NOXO1: variants seen among roughly 807,000 people sequenced by gnomAD.
NOXO1 encodes the protein NADPH oxidase regulatory protein.
In NOXO1, 38 loss-of-function variants were observed where a neutral mutation model predicts 33.3. The observed-to-expected ratio is 1.14, with a 90% confidence interval of 0.88 to 1.50. The LOEUF is 1.50. Among genes scored for constraint, NOXO1 ranks in the 40% most tolerant of loss-of-function variants. The pLI, the probability that NOXO1 is intolerant of heterozygous loss-of-function variation, is 0.00. For missense variants in NOXO1, 675 were observed against 527.1 expected (o/e 1.28, Z -2.75); for synonymous variants, 302 against 237.3 (o/e 1.27, Z -2.51).
At chr16:1,980,285 T>C in intron 4 of NOXO1, 82 bp downstream of exon 4, 2 of 1,519,370 alleles carry the variant, frequency 1.3e-6, no homozygotes, top group Non-Finnish European at 1.8e-6. Context: ...CTGCCCCTAT[T>C]CGCTGGCTGT....
In NOXO1 at chr16:1,980,804, C is replaced by T. The variant is rs757439166; in HGVS notation, c.148-73G>A. ...CCTTGAGAGGGCGGGGTCCCTCACC[C>T]GGATGGCAGGGGCTGGGAGCTTCAG... On this transcript the variant is annotated intron_variant, in intron 2 of 7. Transcript: ENST00000356120. 1.1e-5 allele frequency: 16 copies of T among 1,501,958 alleles called. No homozygotes were observed. In the Admixed American group the frequency reaches 1.2e-4, roughly 11 times the overall value. 93.0% of individuals were successfully genotyped at this position (1,501,958 alleles called of 1,614,324 possible).
In NOXO1 at chr16:1,979,074, G is replaced by A. The variant is rs757350050; in HGVS notation, c.1094C>T (p.Pro365Leu). Residue 365 changes from proline to leucine, a missense_variant, in exon 8 of 8, where the codon CCG becomes CTG. Coordinates refer to ENST00000356120, the MANE Select transcript of NOXO1 (RefSeq NM_172167.3). ...GRPRGCVDSV[P>L]HPTTEQ ...CGCTCACTGCTCCGTCGTGGGGTGC[G>A]GCACAGAGTCCACGCACCCTCGAGG... 1.5e-5 allele frequency: 23 copies of A among 1,538,000 alleles called. No individual in the cohort carries two copies. In the South Asian group the frequency reaches 1.6e-4, roughly 10 times the overall value.
In NOXO1 at chr16:1,981,319, G is replaced by C. The variant is rs1348691829; in HGVS notation, c.-140C>G. The C allele has an allele frequency of 6.9e-7, 1 of 1,457,010 alleles. No homozygotes were observed. The highest frequency in any genetic ancestry group is 9.0e-7 in the Non-Finnish European group (1 of 1,107,012). The allele number at this position is 1,457,010 out of a possible 1,614,324, so 90.3% of individuals were successfully genotyped here. On this transcript the variant is annotated 5_prime_UTR_variant, in exon 1 of 8. Coordinates refer to ENST00000356120, the MANE Select transcript of NOXO1 (RefSeq NM_172167.3). Reference sequence around the variant, plus strand: ...ACCTCAAGCCTGTGGGGTCCTTGTGGAGCCGCCCCAGCTGAGTCCTTTGCA... The same window carrying C: ...ACCTCAAGCCTGTGGGGTCCTTGTGCAGCCGCCCCAGCTGAGTCCTTTGCA...
At position 1,979,452 on chromosome 16, in the gene NOXO1, G is replaced by A. The variant is rs776904422; in HGVS notation, c.791C>T (p.Thr264Met). ...PAGARVRVLETSDRGWWLCRY... is the reference protein window; with the variant it reads ...PAGARVRVLEMSDRGWWLCRY... The stretch of plus-strand genomic sequence containing the variant: ...GCATAGCCACCAGCCGCGGTCTGAC[G>A]TTTCCAACACGCGCACGCGCGCCCC... The change falls in exon 7 of 8, where the codon ACG becomes ATG. Residue 264 changes from threonine to methionine, a missense_variant. Transcript: ENST00000356120. 5.6e-6 allele frequency: 9 copies of A among 1,611,180 alleles called. No homozygotes were observed. The highest frequency in any genetic ancestry group is 7.6e-6 in the Non-Finnish European group (9 of 1,179,460).
rs1165621086 is a variant in NOXO1 at position 1,979,275 on chromosome 16, G to A, written c.893C>T (p.Thr298Met). 3 of 1,549,336 alleles carry A rather than the reference G, an allele frequency of 1.9e-6. No homozygotes were observed. The highest frequency in any genetic ancestry group is 1.4e-5 in the African/African-American group (1 of 72,604). The change falls in exon 8 of 8, where the codon ACG (threonine) becomes ATG (methionine). Residue 298 changes from threonine to methionine, a missense_variant. Coordinates refer to ENST00000356120, the MANE Select transcript of NOXO1 (RefSeq NM_172167.3). ...CGGGTCGTCTCCTCCACGGAACCCCGTCCCGCTCAGGAGAGCGCCCAGCCC... is the reference window on the plus strand; with the variant it reads ...CGGGTCGTCTCCTCCACGGAACCCCATCCCGCTCAGGAGAGCGCCCAGCCC... ...PEGLGALLSGTGFRGGDDPAG... is the reference protein window; with the variant it reads ...PEGLGALLSGMGFRGGDDPAG...
In NOXO1 at chr16:1,980,372, G is replaced by T. The variant is rs749740190; in HGVS notation, c.396C>A (p.Pro132=). 6.2e-7 allele frequency: 1 copy of T among 1,600,494 alleles called. No homozygotes were observed. ...QPLDLEPALP[P]GSRVILPTPE... is the part of the protein sequence containing the mutation. ...GTTTGGGGCGAGTCAGGCACCTGCC[G>T]GGTGGCAGCGCGGGCTCCAGGTCCA... The change falls in exon 4 of 8, where the codon CCC becomes CCA. Residue 132 remains proline (P), a synonymous_variant. Transcript: ENST00000356120.
chr16:1,980,821 G>C (rs1042872101), intron 2 of NOXO1, 90 bp from the exon 3 acceptor site: 6 of 1,483,966 alleles, frequency 4.0e-6, no homozygotes, highest in Non-Finnish European at 4.6e-6. Context: ...CAGGGGCTGG[G>C]AGCTTCAGCA....
chr16:1,979,529 A>G lies in NOXO1; in HGVS notation c.714T>C (p.Cys238=), dbSNP rs780182707. The G allele has an allele frequency of 7.2e-5, 116 of 1,610,730 alleles. No individual in the cohort carries two copies. The highest frequency in any genetic ancestry group is 9.3e-5 in the Non-Finnish European group (110 of 1,178,714). ...GGCTGCTCTCGTAGGCGCGGGAAGC[A>G]CAGAACTGGGGACCTGGTGGGAGTG... is the stretch of plus-strand genomic sequence containing the variant. ...PSLGSSGPQF[C]ASRAYESSRA... Residue 238 remains cysteine, a synonymous_variant, in exon 7 of 8, where the codon TGT becomes TGC. Coordinates refer to ENST00000356120, the MANE Select transcript of NOXO1 (RefSeq NM_172167.3).
intron 4 of NOXO1, 36 bp from the exon 5 acceptor site, chr16:1,980,217 G>A (rs1206583988): frequency 6.4e-7 from 1 of 1,562,890 alleles, no homozygotes; most frequent in Non-Finnish European, 8.7e-7. Context: ...AGAGGTAGGC[G>A]GATGGGGAGG....
At position 1,979,409 on chromosome 16, in the gene NOXO1, GCCC is replaced by G; in HGVS notation, c.818+13_818+15del. 1 of 1,603,098 alleles carries G rather than the reference GCCC, an allele frequency of 6.2e-7. No homozygotes were observed. On this transcript the variant is annotated intron_variant, in intron 7 of 7. Coordinates refer to ENST00000356120, the MANE Select transcript of NOXO1 (RefSeq NM_172167.3). ...GCCTCGGCTAGCCTGCCCTGCCCAC[GCCC>G]GCTCCCGCGTACCTGCATAGCCACC...
At position 1,979,004 on chromosome 16, in the gene NOXO1, C is replaced by T; in HGVS notation, c.*48G>A. 1 of 1,502,882 alleles carries T rather than the reference C, an allele frequency of 6.7e-7. No homozygotes were observed. The highest frequency in any genetic ancestry group is 8.8e-7 in the Non-Finnish European group (1 of 1,130,754). 93.1% of individuals were successfully genotyped at this position (1,502,882 alleles called of 1,614,324 possible). A position where few individuals can be genotyped will look rare whatever the true frequency, so the allele number is the denominator to read the frequency against. On this transcript the variant is annotated 3_prime_UTR_variant, in exon 8 of 8. Coordinates refer to ENST00000356120, the MANE Select transcript of NOXO1 (RefSeq NM_172167.3). ...GGGAGATCCGCCCTCCCCGCTCCTC[C>T]CCAGCCCTGGGATGGCGCGGTCCAT...
At position 1,979,541 on chromosome 16, in the gene NOXO1, A is replaced by T. The variant is rs1034938088; in HGVS notation, c.702T>A (p.Gly234=). The change falls in exon 7 of 8, where the codon GGT becomes GGA. Residue 234 remains glycine (G), a splice_region_variant and synonymous_variant. Coordinates refer to ENST00000356120, the MANE Select transcript of NOXO1 (RefSeq NM_172167.3). ...AGGCGCGGGAAGCACAGAACTGGGG[A>T]CCTGGTGGGAGTGGGTGTTTGGAGT... ...REGGPSLGSS[G]PQFCASRAYE... The T allele has an allele frequency of 2.5e-6, 4 of 1,608,022 alleles. No homozygotes were observed. In the African/African-American group the frequency reaches 5.4e-5, roughly 22 times the overall value.
In NOXO1 at chr16:1,981,325, C is replaced by A. The variant is rs557259527; in HGVS notation, c.-146G>T. On this transcript the variant is annotated 5_prime_UTR_variant, in exon 1 of 8. Transcript: ENST00000356120. ...AGCCTGTGGGGTCCTTGTGGAGCCGCCCCAGCTGAGTCCTTTGCAGCTTTC... is the reference window on the plus strand; with the variant it reads ...AGCCTGTGGGGTCCTTGTGGAGCCGACCCAGCTGAGTCCTTTGCAGCTTTC... The A allele has an allele frequency of 2.1e-6, 3 of 1,449,080 alleles. No individual in the cohort carries two copies. The highest frequency in any genetic ancestry group is 2.7e-6 in the Non-Finnish European group (3 of 1,103,872). The allele number at this position is 1,449,080 out of a possible 1,614,324, so 89.8% of individuals were successfully genotyped here.
At position 1,980,706 on chromosome 16, in the gene NOXO1, A is replaced by C. The variant is rs1013152732; in HGVS notation, c.173T>G (p.Val58Gly). ...LKKTLKETFP[V>G]EAGLLRRSDR... ...AGATCTCCGCAGCAGGCCCGCCTCC[A>C]CCGGGAAGGTCTCCTTGAGGGTCTT... The change falls in exon 3 of 8, where the codon GTG (valine) becomes GGG (glycine). Residue 58 changes from valine (V) to glycine (G), a missense_variant. Coordinates refer to ENST00000356120, the MANE Select transcript of NOXO1 (RefSeq NM_172167.3). 9.3e-6 allele frequency: 15 copies of C among 1,605,610 alleles called. No individual in the cohort carries two copies. Among genetic ancestry groups the C allele is most frequent in the African/African-American group, 1.3e-5 (1 of 74,826 alleles).
Position 1,981,447 on chromosome 16 carries a change from C to T in NOXO1, c.-268G>A. 2 of 809,590 alleles carry T rather than the reference C, an allele frequency of 2.5e-6. No individual in the cohort carries two copies. Among genetic ancestry groups the T allele is most frequent in the Non-Finnish European group, 3.7e-6 (2 of 542,938 alleles). The allele number at this position is 809,590 out of a possible 1,614,324, so 50.2% of individuals were successfully genotyped here. On this transcript the variant is annotated 5_prime_UTR_variant, in exon 1 of 8. Coordinates refer to ENST00000356120, the MANE Select transcript of NOXO1 (RefSeq NM_172167.3). ...GGAGGAAGAAGAAGAATGAGCTTTC[C>T]AGCCCTGGAGGCGTGCAAGACTGAA...
rs1251298528 is a variant in NOXO1, at chr16:1,979,131, G to A, written c.1037C>T (p.Ala346Val). The A allele has an allele frequency of 8.8e-6, 13 of 1,480,702 alleles. No homozygotes were observed. The highest frequency in any genetic ancestry group is 1.2e-5 in the Non-Finnish European group (13 of 1,128,472). The allele number at this position is 1,480,702 out of a possible 1,614,324, so 91.7% of individuals were successfully genotyped here. ...CTGGCGCCGTGGGCGCCGCTCCAGG[G>A]CCCTGCGTGTGACGGTGCAGCAGCG... The part of the protein sequence containing the change: ...QSRCCTVTRR[A>V]LERRPRRQGR... Residue 346 changes from alanine (A) to valine (V), a missense_variant, in exon 8 of 8, where the codon GCC becomes GTC. Transcript: ENST00000356120.
At position 1,979,327 on chromosome 16, in the gene NOXO1, G is replaced by A. The variant is rs1803639857; in HGVS notation, c.841C>T (p.Leu281Phe). 6.3e-7 allele frequency: 1 copy of A among 1,574,928 alleles called. No individual in the cohort carries two copies. Among genetic ancestry groups the A allele is most frequent in the Non-Finnish European group, 8.6e-7 (1 of 1,167,896 alleles). The change falls in exon 8 of 8, where the codon CTC (leucine) becomes TTC (phenylalanine). Residue 281 changes from leucine (L) to phenylalanine (F), a missense_variant. Transcript: ENST00000356120. Reference sequence around the variant, plus strand: ...TCCGGCCGCAGCAGCACCGCGGGGAGTAGGCCCGCCCGGTCGCCGTACCTG... The same window carrying A: ...TCCGGCCGCAGCAGCACCGCGGGGAATAGGCCCGCCCGGTCGCCGTACCTG... ...LCRYGDRAGL[L>F]PAVLLRPEGL...
At position 1,980,153 on chromosome 16, in the gene NOXO1, G is replaced by C; in HGVS notation, c.430C>G (p.Gln144Glu). 6.2e-7 allele frequency: 1 copy of C among 1,604,696 alleles called. No homozygotes were observed. Among genetic ancestry groups the C allele is most frequent in the Non-Finnish European group, 8.5e-7 (1 of 1,178,038 alleles). The part of the protein sequence containing the change: ...SRVILPTPEE[Q>E]PLSRAAGRLS... Reference sequence around the variant, plus strand: ...CGGCCCGCAGCGCGAGAAAGAGGCTGCTCCTCTGGGGTGGGCAGGATCACC... The same window carrying C: ...CGGCCCGCAGCGCGAGAAAGAGGCTCCTCCTCTGGGGTGGGCAGGATCACC... Residue 144 changes from glutamine (Q) to glutamate (E), a missense_variant, in exon 5 of 8, where the codon CAG becomes GAG. Transcript: ENST00000356120.
At position 1,981,175 on chromosome 16, in the gene NOXO1, G is replaced by A; in HGVS notation, c.5C>T (p.Ala2Val). 1 of 1,613,674 alleles carries A rather than the reference G, an allele frequency of 6.2e-7. No homozygotes were observed. Among genetic ancestry groups the A allele is most frequent in the Non-Finnish European group, 8.5e-7 (1 of 1,180,016 alleles). The change falls in exon 1 of 8, where the codon GCA becomes GTA. Residue 2 changes from alanine (A) to valine (V), a missense_variant. Coordinates refer to ENST00000356120, the MANE Select transcript of NOXO1 (RefSeq NM_172167.3). ...CACTGAAACTGGGTATCGGGGGCCTGCCATGGCTGTGGCTTCCAGGCTGCA... is the reference window on the plus strand; with the variant it reads ...CACTGAAACTGGGTATCGGGGGCCTACCATGGCTGTGGCTTCCAGGCTGCA... Reference protein sequence around the residue: MAGPRYPVSVQG... With the variant: MVGPRYPVSVQG...
Sources: allele counts gnomAD v4.1 joint callset, GRCh38; gene constraint gnomAD v4.1.1; transcripts MANE v1.5; gene names NCBI Gene and HGNC (gene_info 2026-07-23, HGNC 2026-07-21).